The following TBL1X variants were observed in gnomAD, a reference collection of about 807,000 sequenced individuals.
TBL1X encodes F-box-like/WD repeat-containing protein TBL1X.
A neutral mutation model predicts 50.7 loss-of-function variants in TBL1X; 10 were observed. That is an observed-to-expected ratio of 0.20 (90% CI 0.12 to 0.33). The LOEUF is 0.33. TBL1X is among the 10% of genes least tolerant of loss of function. The pLI is 1.00. For synonymous variants in TBL1X, 190 were observed against 214.7 expected (o/e 0.88, Z 1.01); for missense variants, 340 against 504.4 (o/e 0.67, Z 3.12).
At chrX:9,574,065 G>A (rs1428593228) in intron 2 of TBL1X, among the ~76,000 whole-genome samples, 1 of 111,450 alleles carries the variant, frequency 9.0e-6, no homozygotes, top group Non-Finnish European at 1.9e-5. Flanking sequence ...TAGAGTGGCT[G>A]TGTGGGGATT....
intron 12 of TBL1X, among the ~76,000 whole-genome samples, chrX:9,702,441 CAAAA>C (rs368394481): frequency 1.1e-4 from 5 of 45,196 alleles, no homozygotes; most frequent in South Asian, 1.3e-3. Context: ...GATCCTGTCT[CAAAA>C]AAAAAAAAAA....
intron 2 of TBL1X, among the ~76,000 whole-genome samples, chrX:9,529,438 G>A (rs1046013358): frequency 8.9e-6 from 1 of 111,744 alleles, no homozygotes; most frequent in African/African-American, 3.3e-5. Context: ...AATTTCAGAC[G>A]TGCTAAAGGA....
chrX:9,663,983 T>C (rs1385402153), intron 5 of TBL1X, among the ~76,000 whole-genome samples: 1 of 111,036 alleles, frequency 9.0e-6, no homozygotes, highest in African/African-American at 3.3e-5. Context: ...TCCACAGATC[T>C]ACACGTAGGA....
intron 2 of TBL1X, among the ~76,000 whole-genome samples, chrX:9,556,044 C>T (rs1456134470): frequency 1.8e-5 from 2 of 108,726 alleles, no homozygotes; most frequent in African/African-American, 3.4e-5. Context: ...CAAAAATTAG[C>T]TGGGCATGGT....
At chrX:9,569,348 CTG>C (rs1175094979) in intron 2 of TBL1X, among the ~76,000 whole-genome samples, 106 of 90,448 alleles carry the variant, frequency 1.2e-3, no homozygotes, top group South Asian at 4.6e-3. Flanking sequence ...GTGCAGTGTG[CTG>C]TGTGTGTGTG....
chrX:9,685,717 C>CTTTTTTTTTTT (rs752837096), intron 6 of TBL1X, among the ~76,000 whole-genome samples: 84 of 59,503 alleles, frequency 1.4e-3, no homozygotes, highest in East Asian at 3.8e-3. Context: ...CTTTTCTTTT[C>CTTTTTTTTTTT]TTTTTTTTTT....
At chrX:9,627,117 C>T (rs1180946008) in intron 2 of TBL1X, among the ~76,000 whole-genome samples, 1 of 111,718 alleles carries the variant, frequency 9.0e-6, no homozygotes, top group Non-Finnish European at 1.9e-5. Flanking sequence ...CAATAATGTA[C>T]GGATTTTAAC....
chrX:9,518,422 C>A (rs2082091482), intron 2 of TBL1X, among the ~76,000 whole-genome samples: 1 of 112,476 alleles, frequency 8.9e-6, no homozygotes, highest in Admixed American at 9.4e-5. Context: ...TCTCATCTTG[C>A]CTTGCTTGCA....
At chrX:9,467,350 C>A (rs367778452) in intron 1 of TBL1X, among the ~76,000 whole-genome samples, 3 of 112,060 alleles carry the variant, frequency 2.7e-5, no homozygotes, top group Non-Finnish European at 5.6e-5. Context: ...TCCCAGTTTT[C>A]TGCAGGGCGT....
intron 5 of TBL1X, among the ~76,000 whole-genome samples, chrX:9,664,235 A>G (rs1364679798): frequency 8.9e-6 from 1 of 112,641 alleles, no homozygotes; most frequent in African/African-American, 3.2e-5. Flanking sequence ...AAAAAAGACT[A>G]TACCAAAAAT....
intron 5 of TBL1X, among the ~76,000 whole-genome samples, chrX:9,657,123 A>G (rs948031884): frequency 1.8e-5 from 2 of 112,025 alleles, no homozygotes; most frequent in African/African-American, 6.5e-5. Flanking sequence ...CACTGATCTT[A>G]CTGCAACTGG....
chrX:9,562,546 T>C (rs1454930033), intron 2 of TBL1X, among the ~76,000 whole-genome samples: 1 of 111,840 alleles, frequency 8.9e-6, no homozygotes, highest in Non-Finnish European at 1.9e-5. Flanking sequence ...CTTATTTCAG[T>C]GGCTCATACT....
intron 2 of TBL1X, among the ~76,000 whole-genome samples, chrX:9,589,413 A>G (rs2082487708): frequency 9.2e-6 from 1 of 109,235 alleles, no homozygotes; most frequent in Non-Finnish European, 1.9e-5. Flanking sequence ...AGATGCTACA[A>G]GGGAACTCTT....
Position 9,711,715 on chromosome X carries a change from C to T in TBL1X, c.1544C>T (p.Pro515Leu). Residue 515 changes from proline to leucine, a missense_variant, in exon 16 of 18, where the codon CCT (proline) becomes CTT (leucine). Coordinates refer to ENST00000645353, the MANE Select transcript of TBL1X (RefSeq NM_005647.4). ...QEPVYSVAFS[P>L]DGKYLASGSF... is the part of the protein sequence containing the mutation. ...CCTGTCTATAGCGTAGCTTTCAGCCCTGATGGGAAGTACTTGGCCAGTGGA... is the reference window on the plus strand; with the variant it reads ...CCTGTCTATAGCGTAGCTTTCAGCCTTGATGGGAAGTACTTGGCCAGTGGA... 1 of 1,209,265 alleles carries T rather than the reference C, an allele frequency of 8.3e-7. No individual in the cohort carries two copies. Among genetic ancestry groups the T allele is most frequent in the Non-Finnish European group, 1.1e-6 (1 of 893,897 alleles).
intron 3 of TBL1X, among the ~76,000 whole-genome samples, chrX:9,645,567 G>A (rs751325643): frequency 9.0e-6 from 1 of 111,520 alleles, no homozygotes; most frequent in Non-Finnish European, 1.9e-5. Flanking sequence ...GTCACTGCTC[G>A]GCATTGGAAC....
At chrX:9,701,681 C>T (rs1017830596) in intron 12 of TBL1X, among the ~76,000 whole-genome samples, 2 of 109,525 alleles carry the variant, frequency 1.8e-5, no homozygotes, top group African/African-American at 3.3e-5. Flanking sequence ...TCCTGGACCG[C>T]GGGTTGAACC....
At chrX:9,463,335 G>A (rs1160715178), upstream of TBL1X, 10 of 111,269 alleles carry the variant, frequency 9.0e-5, no homozygotes, top group Non-Finnish European at 1.9e-4. Context: ...ACAAGCCCAG[G>A]GAGCCCAGGA....
chrX:9,651,174 T>A (rs1175778032), intron 3 of TBL1X, among the ~76,000 whole-genome samples: 1 of 109,820 alleles, frequency 9.1e-6, no homozygotes, highest in Non-Finnish European at 1.9e-5. Context: ...ACTACAGGCG[T>A]GCACCACCAC....
rs761330520 is a variant in TBL1X, at chrX:9,531,453, C to A, written c.-131+29604C>A. ...TTTGCCTTATATTTCATAAATATTT[C>A]TTGGTTGATTAAATGTCAATAATCG... On this transcript the variant is annotated intron_variant, in intron 2 of 17. Coordinates refer to ENST00000645353, the MANE Select transcript of TBL1X (RefSeq NM_005647.4). 3.5e-3 allele frequency among the ~76,000 whole-genome samples: 339 copies of A among 97,188 alleles called. 3 individuals are homozygous for A. Among genetic ancestry groups the A allele is most frequent in the Non-Finnish European group, 2.7e-3 (132 of 48,951 alleles). 84.4% of individuals were successfully genotyped at this position (97,188 alleles called of 115,157 possible).
Sources: allele counts gnomAD v4.1 joint callset (sites outside exome capture counted in the v4.1 genomes callset), GRCh38; gene constraint gnomAD v4.1.1; transcripts MANE v1.5; gene names NCBI Gene and HGNC (gene_info 2026-07-23, HGNC 2026-07-21).